PCDH9: variants seen among roughly 807,000 people sequenced by gnomAD.
The protein encoded by PCDH9 is protocadherin-9.
PCDH9 carries 24 observed loss-of-function variants against 70.6 expected under a neutral mutation model. The observed-to-expected ratio is 0.34, with a 90% confidence interval of 0.25 to 0.48. The LOEUF (loss-of-function observed/expected upper bound fraction) is 0.48. Ranked by LOEUF, PCDH9 falls within the 20% of genes least tolerant of loss-of-function variation. The pLI, the probability that PCDH9 is intolerant of heterozygous loss-of-function variation, is 0.99. For synonymous variants in PCDH9, 562 were observed against 558.5 expected (o/e 1.01, Z -0.09); for missense variants, 1,281 against 1,503.6 (o/e 0.85, Z 2.45).
chr13:66,512,938 C>T (rs965296565), intron 4 of PCDH9, among the ~76,000 whole-genome samples: 4 of 152,014 alleles, frequency 2.6e-5, no homozygotes, highest in Non-Finnish European at 4.4e-5. Flanking sequence ...AAGTGATCCT[C>T]CCAACTCAGC....
chr13:66,390,438 G>A (rs987349820), intron 4 of PCDH9, among the ~76,000 whole-genome samples: 9 of 152,050 alleles, frequency 5.9e-5, no homozygotes, highest in Admixed American at 4.6e-4. Context: ...TAGAGGTTTT[G>A]TAAAAATCTG....
chr13:66,443,331 TA>T (rs1193393096), intron 4 of PCDH9, among the ~76,000 whole-genome samples: 1 of 152,200 alleles, frequency 6.6e-6, no homozygotes, highest in Non-Finnish European at 1.5e-5. Context: ...TGATGAATTT[TA>T]ATGGTCAAAA....
chr13:66,901,204 C>CA (rs2082271705), intron 3 of PCDH9, among the ~76,000 whole-genome samples: 1 of 151,588 alleles, frequency 6.6e-6, no homozygotes, highest in Admixed American at 6.6e-5. Context: ...GAATTTAATA[C>CA]AAAATGCATG....
intron 3 of PCDH9, among the ~76,000 whole-genome samples, chr13:66,892,415 C>T (rs1401276342): frequency 1.3e-5 from 2 of 151,798 alleles, no homozygotes; most frequent in Admixed American, 1.3e-4. Flanking sequence ...CATTACCTAA[C>T]AATGAAACTG....
intron 2 of PCDH9, among the ~76,000 whole-genome samples, chr13:67,175,527 T>C (rs1198416472): frequency 6.6e-6 from 1 of 152,146 alleles, no homozygotes; most frequent in East Asian, 1.9e-4. Flanking sequence ...GGGATGTTTG[T>C]GTTGGGTGAG....
chr13:66,899,989 A>T (rs1171364504), intron 3 of PCDH9, among the ~76,000 whole-genome samples: 1 of 151,928 alleles, frequency 6.6e-6, no homozygotes, highest in Non-Finnish European at 1.5e-5. Flanking sequence ...TAATTCTAGG[A>T]TCGAATTCTA....
intron 2 of PCDH9, among the ~76,000 whole-genome samples, chr13:66,953,444 G>A (rs1287151019): frequency 6.6e-6 from 1 of 152,102 alleles, no homozygotes; most frequent in Admixed American, 6.6e-5. Context: ...TTAACTACAA[G>A]GTTAGTCATT....
At position 66,917,785 on chromosome 13, in the gene PCDH9, T is replaced by G. The variant is rs551522980; in HGVS notation, c.3037-14180A>C. On this transcript the variant is annotated intron_variant, in intron 2 of 4. Transcript: ENST00000377865. ...TATAAACAGTTCTGCAAGTTTAAGG[T>G]GTCATGTTTTCATTTTAACATCATG... Among the ~76,000 whole-genome samples the G allele has an allele frequency of 2.1e-3, 324 of 151,464 alleles. 5 individuals are homozygous for G. Among genetic ancestry groups the G allele is most frequent in the African/African-American group, 7.4e-3 (305 of 41,432 alleles).
chr13:66,316,514 CT>C (rs1311738594), intron 4 of PCDH9, among the ~76,000 whole-genome samples: 1 of 152,142 alleles, frequency 6.6e-6, no homozygotes, highest in African/African-American at 2.4e-5. Flanking sequence ...CTCTCCCACA[CT>C]GAATTTCTTG....
intron 3 of PCDH9, among the ~76,000 whole-genome samples, chr13:66,898,729 G>A (rs1027251328): frequency 1.3e-4 from 20 of 151,874 alleles, no homozygotes; most frequent in Non-Finnish European, 2.5e-4. Context: ...TAAGACAAAA[G>A]CAAAAGGGTT....
intron 4 of PCDH9, among the ~76,000 whole-genome samples, chr13:66,351,759 G>A (rs1236211526): frequency 1.3e-5 from 2 of 151,740 alleles, no homozygotes; most frequent in Non-Finnish European, 2.9e-5. Flanking sequence ...CTCAACTCTG[G>A]TCCATTGCAA....
intron 2 of PCDH9, among the ~76,000 whole-genome samples, chr13:66,951,022 A>G (rs956869092): frequency 1.3e-5 from 2 of 152,212 alleles, no homozygotes; most frequent in African/African-American, 4.8e-5. Context: ...ACTGGATGAA[A>G]TATCTCCCAT....
In PCDH9 at chr13:66,305,027, A is replaced by G. The variant is rs1955439976; in HGVS notation, c.3342T>C (p.Asp1114=). 3 of 1,607,352 alleles carry G rather than the reference A, an allele frequency of 1.9e-6. No homozygotes were observed. The highest frequency in any genetic ancestry group is 2.6e-6 in the Non-Finnish European group (3 of 1,175,864). The change falls in exon 5 of 5, where the codon GAT becomes GAC. Residue 1114 remains aspartate, a splice_region_variant and synonymous_variant. Coordinates refer to ENST00000377865, the MANE Select transcript of PCDH9 (RefSeq NM_203487.3). ...EADGNSDPNS[D]GPLGPRGLAE... ...CTAATCCTCGGGGACCCAAAGGCCC[A>G]TCTGCAGAAGACAAGAGAGAGAAAA...
intron 4 of PCDH9, among the ~76,000 whole-genome samples, chr13:66,422,519 C>T (rs942590260): frequency 6.6e-6 from 1 of 152,156 alleles, no homozygotes; most frequent in Non-Finnish European, 1.5e-5. Context: ...AACTGCACAA[C>T]TACATGGAAA....
chr13:67,227,714 T>C lies in PCDH9; in HGVS notation c.727A>G (p.Ser243Gly), dbSNP rs781569809. 2.7e-5 allele frequency: 44 copies of C among 1,613,990 alleles called. No homozygotes were observed. Among genetic ancestry groups the C allele is most frequent in the Non-Finnish European group, 3.6e-5 (42 of 1,179,946 alleles). ...ACTGGCCTGTTGTCATTTACATCAC[T>C]TACTGTGACCTGCAGTATGGCCGTA... is the stretch of plus-strand genomic sequence containing the variant. ...SSTAILQVTVSDVNDNRPVFK... is the reference protein window; with the variant it reads ...SSTAILQVTVGDVNDNRPVFK... The change falls in exon 2 of 5, where the codon AGT (serine) becomes GGT (glycine). Residue 243 changes from serine (S) to glycine (G), a missense_variant. By Grantham distance (56) the Ser-to-Gly change is moderately conservative. Coordinates refer to ENST00000377865, the MANE Select transcript of PCDH9 (RefSeq NM_203487.3). This position sits in a 1 kb window ranked among gnomAD's most constrained non-coding sequence, Gnocchi z 4.6.
intron 2 of PCDH9, among the ~76,000 whole-genome samples, chr13:67,085,254 T>C (rs1046095951): frequency 6.6e-6 from 1 of 151,608 alleles, no homozygotes; most frequent in Non-Finnish European, 1.5e-5. Context: ...GATCTGTGAA[T>C]ATAGCCCTGG....
At chr13:66,453,225 T>A (rs1310338518) in intron 4 of PCDH9, among the ~76,000 whole-genome samples, 1 of 152,196 alleles carries the variant, frequency 6.6e-6, no homozygotes, top group Non-Finnish European at 1.5e-5. Flanking sequence ...GTAGGTGACA[T>A]GTAAGGTAAA....
chr13:66,499,486 A>T (rs1959165906), intron 4 of PCDH9, among the ~76,000 whole-genome samples: 1 of 152,210 alleles, frequency 6.6e-6, no homozygotes, highest in Non-Finnish European at 1.5e-5. Context: ...AGATGGTTAA[A>T]AATCATGATG....
intron 3 of PCDH9, among the ~76,000 whole-genome samples, chr13:66,892,151 G>A (rs974514517): frequency 1.3e-5 from 2 of 148,350 alleles, no homozygotes; most frequent in Non-Finnish European, 3.0e-5. Flanking sequence ...CTTACATTAC[G>A]TGTGTGTGTG....
Sources: allele counts gnomAD v4.1 joint callset (sites outside exome capture counted in the v4.1 genomes callset), GRCh38; gene constraint gnomAD v4.1.1; non-coding constraint Gnocchi (gnomAD v3.1); transcripts MANE v1.5; gene names NCBI Gene and HGNC (gene_info 2026-07-23, HGNC 2026-07-21).